PKHD1L1: variants seen among roughly 807,000 people sequenced by gnomAD.
PKHD1L1 encodes the protein fibrocystin-L.
PKHD1L1 carries 434 observed loss-of-function variants against 462.9 expected under a neutral mutation model. That is an observed-to-expected ratio of 0.94 (90% CI 0.87 to 1.02). PKHD1L1 has a LOEUF of 1.02. Ranked by LOEUF, PKHD1L1 falls within the 50% of genes least tolerant of loss-of-function variation. PKHD1L1 has a pLI of 0.00. For missense variants in PKHD1L1, 5,202 were observed against 5,096.1 expected, an observed-to-expected ratio of 1.02 and a Z score of -0.63; for synonymous variants, 1,781 against 1,750.0, an observed-to-expected ratio of 1.02 and a Z score of -0.44.
chr8:109,418,298 G>C (rs1054424469), intron 21 of PKHD1L1, among the ~76,000 whole-genome samples: 1 of 152,006 alleles, frequency 6.6e-6, no homozygotes, highest in African/African-American at 2.4e-5. Flanking sequence ...TGCTAAAACT[G>C]ATATGTGTAG....
intron 2 of PKHD1L1, among the ~76,000 whole-genome samples, chr8:109,373,427 C>G (rs1172902769): frequency 2.6e-5 from 4 of 152,066 alleles, no homozygotes; most frequent in Admixed American, 1.3e-4. Flanking sequence ...AGCGGTCTAT[C>G]AATTTTGTTG....
At chr8:109,470,549 T>C (rs1270898787) in intron 50 of PKHD1L1, 15 of 1,609,552 alleles carry the variant, frequency 9.3e-6, no homozygotes, top group Non-Finnish European at 1.3e-5. Context: ...GATTCCTTTA[T>C]TGCAGGAACT....
Position 109,453,915 on chromosome 8 carries a change from A to G in PKHD1L1, c.6665-252A>G, listed in dbSNP as rs560208991. ...AAATAAGCTACTTTCCCAATGTTCA[A>G]GGGAAAATAATCTTCCCTGGGATTT... On this transcript the variant is annotated intron_variant, in intron 43 of 77. Transcript: ENST00000378402. Among the ~76,000 whole-genome samples, 3 of 152,302 alleles carry G rather than the reference A, an allele frequency of 2.0e-5. No homozygotes were observed. The East Asian group carries it at 5.8e-4, about 29-fold the overall frequency.
At position 109,405,024 on chromosome 8, in the gene PKHD1L1, T is replaced by C. The variant is rs1228563348; in HGVS notation, c.1563T>C (p.Thr521=). The C allele has an allele frequency of 2.0e-6, 3 of 1,521,734 alleles. No individual in the cohort carries two copies. In the East Asian group the frequency reaches 7.5e-5, roughly 38 times the overall value. 94.3% of individuals were successfully genotyped at this position (1,521,734 alleles called of 1,614,324 possible). A position where few individuals can be genotyped will look rare whatever the true frequency, so the allele number is the denominator to read the frequency against. Residue 521 remains threonine, a synonymous_variant, in exon 16 of 78, where the codon ACT becomes ACC. Transcript: ENST00000378402. ...QVITLENWET[T]NAINEVQKIK... ...TAACATTGGAAAACTGGGAAACAAC[T>C]AATGCAATTAATGAGGTTCAGAAGA... is the stretch of plus-strand genomic sequence containing the variant.
intron 76 of PKHD1L1, among the ~76,000 whole-genome samples, chr8:109,525,136 A>G (rs1820753308): frequency 6.6e-6 from 1 of 152,204 alleles, no homozygotes; most frequent in South Asian, 2.1e-4. Context: ...CACTGAAGGA[A>G]ATCCCCTTGC....
At chr8:109,473,607 C>T (rs951388281) in intron 50 of PKHD1L1, among the ~76,000 whole-genome samples, 4 of 152,092 alleles carry the variant, frequency 2.6e-5, no homozygotes, top group Admixed American at 2.6e-4. Context: ...GGAGCAAATT[C>T]TAGAGGTTTT....
intron 3 of PKHD1L1, among the ~76,000 whole-genome samples, chr8:109,382,020 G>A (rs914744494): frequency 4.0e-5 from 6 of 151,842 alleles, no homozygotes; most frequent in Non-Finnish European, 8.8e-5. Context: ...GAAACAGATA[G>A]CACATATTCT....
chr8:109,415,644 T>TA (rs1237382309), intron 21 of PKHD1L1, among the ~76,000 whole-genome samples: 4 of 151,700 alleles, frequency 2.6e-5, no homozygotes, highest in African/African-American at 9.7e-5. Flanking sequence ...GATCTTAATT[T>TA]AAAAAAAGGA....
intron 25 of PKHD1L1, among the ~76,000 whole-genome samples, chr8:109,427,502 A>G (rs1045634271): frequency 2.6e-5 from 4 of 152,118 alleles, no homozygotes; most frequent in Non-Finnish European, 4.4e-5. Flanking sequence ...GGGGGTCCCA[A>G]AGAGAATCAG....
chr8:109,498,953 C>G (rs1586627961), intron 67 of PKHD1L1, 182 bp downstream of exon 67: 1 of 600,018 alleles, frequency 1.7e-6, no homozygotes. Flanking sequence ...TGGCAGGATT[C>G]TTATACTGTA....
At chr8:109,483,146 G>A in intron 57 of PKHD1L1, 41 bp downstream of exon 57, 1 of 1,402,318 alleles carries the variant, frequency 7.1e-7, no homozygotes, top group South Asian at 1.4e-5. Flanking sequence ...AATATACACA[G>A]TGGGTCAGCT....
chr8:109,424,929 T>C (rs928766215), intron 23 of PKHD1L1, among the ~76,000 whole-genome samples, 156 bp from the exon 24 acceptor site: 5 of 152,200 alleles, frequency 3.3e-5, no homozygotes, highest in African/African-American at 1.2e-4. Context: ...AGGTATGGCC[T>C]GTGTTGATTT....
chr8:109,478,275 A>G (rs1818098918), intron 53 of PKHD1L1, among the ~76,000 whole-genome samples: 1 of 152,172 alleles, frequency 6.6e-6, no homozygotes, highest in Non-Finnish European at 1.5e-5. Context: ...AAATTTACTG[A>G]GTATCCACTA....
intron 71 of PKHD1L1, among the ~76,000 whole-genome samples, chr8:109,513,730 C>G (rs1247363540): frequency 6.6e-6 from 1 of 152,108 alleles, no homozygotes; most frequent in Non-Finnish European, 1.5e-5. Flanking sequence ...TGGAACCACT[C>G]TTGACTCCTC....
rs1468015196 is a variant in PKHD1L1 at position 109,444,803 on chromosome 8, A to T, written c.4934A>T (p.Asn1645Ile). The T allele has an allele frequency of 6.2e-7, 1 of 1,614,026 alleles. No individual in the cohort carries two copies. The highest frequency in any genetic ancestry group is 1.1e-5 in the South Asian group (1 of 91,082). The change falls in exon 38 of 78, where the codon AAT becomes ATT. Residue 1645 changes from asparagine to isoleucine, a missense_variant. By Grantham distance (149) the Asn-to-Ile change is moderately radical. Transcript: ENST00000378402. ...LTVYNLGTAI[N>I]TLSNEFDRRF... ...GTCTACAACCTGGGCACTGCTATCAATACGTTGTCCAATGAATTTGATAGG... is the reference window on the plus strand; with the variant it reads ...GTCTACAACCTGGGCACTGCTATCATTACGTTGTCCAATGAATTTGATAGG...
intron 35 of PKHD1L1, among the ~76,000 whole-genome samples, chr8:109,442,597 CTGTTT>C (rs1815861245): frequency 6.6e-6 from 1 of 152,022 alleles, no homozygotes; most frequent in South Asian, 2.1e-4. Context: ...TTTAGATTGT[CTGTTT>C]TGTTTTGTAC....
intron 73 of PKHD1L1, among the ~76,000 whole-genome samples, chr8:109,518,797 A>G (rs930154980): frequency 1.3e-5 from 2 of 152,174 alleles, no homozygotes; most frequent in Admixed American, 1.3e-4. Flanking sequence ...TAAGCAAGTG[A>G]CCTTACAGAT....
intron 5 of PKHD1L1, among the ~76,000 whole-genome samples, 198 bp downstream of exon 5, chr8:109,384,325 G>T (rs1361307541): frequency 6.6e-6 from 1 of 151,934 alleles, no homozygotes; most frequent in Admixed American, 6.6e-5. Flanking sequence ...AATTCCTCGA[G>T]CCCAAGAGTT....
At chr8:109,485,768 C>T (rs1818493267) in intron 58 of PKHD1L1, among the ~76,000 whole-genome samples, 1 of 151,780 alleles carries the variant, frequency 6.6e-6, no homozygotes, top group African/African-American at 2.4e-5. Context: ...ATGGGAACTC[C>T]AGATGCAAGA....
Sources: gnomAD v4.1 joint callset for allele counts (sites outside exome capture counted in the v4.1 genomes callset) on GRCh38, gnomAD v4.1.1 for gene constraint, MANE v1.5 for transcripts, NCBI Gene and HGNC (gene_info 2026-07-23, HGNC 2026-07-21) for gene names.